Variants in HIRA observed in about 807,000 individuals in gnomAD.
HIRA encodes the protein protein HIRA.
A neutral mutation model predicts 126.6 loss-of-function variants in HIRA; 13 were observed. The observed-to-expected ratio is 0.10, with a 90% confidence interval of 0.07 to 0.16. The LOEUF is 0.16. HIRA is among the 10% of genes least tolerant of loss of function. The pLI is 1.00. For synonymous variants in HIRA, 511 were observed against 520.0 expected (o/e 0.98, Z 0.24); for missense variants, 834 against 1,314.4 (o/e 0.63, Z 5.65).
chr22:19,331,218 G>C lies in HIRA; in HGVS notation c.*222C>G. 1 of 1,469,138 alleles carries C rather than the reference G, an allele frequency of 6.8e-7. No homozygotes were observed. Among genetic ancestry groups the C allele is most frequent in the South Asian group, 1.2e-5 (1 of 82,732 alleles). The allele number at this position is 1,469,138 out of a possible 1,614,324, so 91.0% of individuals were successfully genotyped here. ...GCTCCAGCCCTAGCTCCGCATCGGG[G>C]GCTTGGAGGGAGGGATGAGCTTCCC... On this transcript the variant is annotated 3_prime_UTR_variant, in exon 25 of 25. Transcript: ENST00000263208.
At chr22:19,420,628 T>C (rs1035457828) in intron 1 of HIRA, among the ~76,000 whole-genome samples, 1 of 152,130 alleles carries the variant, frequency 6.6e-6, no homozygotes, top group Non-Finnish European at 1.5e-5. Flanking sequence ...CACAGGAGGA[T>C]TGCTTGAGCC....
intron 13 of HIRA, among the ~76,000 whole-genome samples, chr22:19,383,001 T>C (rs149162138): frequency 3.9e-5 from 6 of 152,234 alleles, no homozygotes; most frequent in South Asian, 2.1e-4. Context: ...GACTCATTTA[T>C]AATCACGAGA....
intron 10 of HIRA, among the ~76,000 whole-genome samples, 161 bp from the exon 11 acceptor site, chr22:19,387,977 G>GC (rs2089142594): frequency 6.6e-6 from 1 of 151,136 alleles, no homozygotes; most frequent in South Asian, 2.1e-4. Context: ...CTGGGCGGGG[G>GC]GGGGAGGGGG....
chr22:19,399,079 C>T (rs1305712804), intron 5 of HIRA: 1 of 966,454 alleles, frequency 1.0e-6, no homozygotes, highest in Non-Finnish European at 1.2e-6. Flanking sequence ...CAGGCACACA[C>T]CAAGGCATCG....
At chr22:19,331,610 G>A (rs1426975964) in intron 24 of HIRA, 54 bp from the exon 25 acceptor site, 1 of 1,503,322 alleles carries the variant, frequency 6.7e-7, no homozygotes, top group Non-Finnish European at 9.0e-7. Context: ...GACCTAGATT[G>A]TGGGGACTTT....
chr22:19,393,974 A>G (rs1001840123), intron 8 of HIRA, among the ~76,000 whole-genome samples: 1 of 152,092 alleles, frequency 6.6e-6, no homozygotes, highest in African/African-American at 2.4e-5. Context: ...GCAGCTCCCA[A>G]CTCAGTGATC....
intron 15 of HIRA, among the ~76,000 whole-genome samples, chr22:19,370,592 GAATC>G (rs1482653551): frequency 2.0e-5 from 3 of 152,154 alleles, no homozygotes; most frequent in Middle Eastern, 3.2e-3. Flanking sequence ...TTTTCATTGA[GAATC>G]AATACAAGAA....
intron 1 of HIRA, among the ~76,000 whole-genome samples, chr22:19,418,413 A>T (rs1211958464): frequency 3.3e-5 from 5 of 151,924 alleles, no homozygotes; most frequent in African/African-American, 1.2e-4. Context: ...TCATGAGGTC[A>T]GGAGATTGAG....
chr22:19,374,231 G>C (rs890921192), intron 15 of HIRA, among the ~76,000 whole-genome samples: 2 of 152,112 alleles, frequency 1.3e-5, no homozygotes, highest in Non-Finnish European at 2.9e-5. Flanking sequence ...CTACTTGGGA[G>C]GCTGAAGCAG....
intron 24 of HIRA, among the ~76,000 whole-genome samples, chr22:19,334,286 CAT>C (rs1185158429): frequency 6.7e-6 from 1 of 149,836 alleles, no homozygotes; most frequent in Non-Finnish European, 1.5e-5. Flanking sequence ...TCATTTTCTT[CAT>C]ATATAGTTTT....
Position 19,375,732 on chromosome 22 carries a change from C to T in HIRA, c.1674G>A (p.Lys558=). Residue 558 remains lysine, a synonymous_variant, in exon 15 of 25, where the codon AAG becomes AAA. Transcript: ENST00000263208. ...LSPSVLTTPS[K]IEPMKAFDSR... ...AGTCAAACGCTTTCATGGGTTCGAT[C>T]TTGGACGGGGTCGTTAACACAGAAG... 2 of 1,614,140 alleles carry T rather than the reference C, an allele frequency of 1.2e-6. No homozygotes were observed. The highest frequency in any genetic ancestry group is 8.5e-7 in the Non-Finnish European group (1 of 1,180,036).
In HIRA at chr22:19,377,959, G is replaced by A. The variant is rs768556093; in HGVS notation, c.1523C>T (p.Thr508Ile). The A allele has an allele frequency of 5.6e-6, 9 of 1,613,810 alleles. No individual in the cohort carries two copies. The highest frequency in any genetic ancestry group is 1.3e-5 in the African/African-American group (1 of 74,924). Residue 508 changes from threonine (T) to isoleucine (I), a missense_variant, in exon 14 of 25, where the codon ACC (threonine) becomes ATC (isoleucine). Physicochemically the swap from Thr to Ile is moderately conservative, Grantham distance 89. Coordinates refer to ENST00000263208, the MANE Select transcript of HIRA (RefSeq NM_003325.4). ...CTTCGAGGCGCCGAAGGAGTTAGGG[G>A]TACTGGAGTCCAGTGGCAGTAGCTG... ...SPQLLPLDSS[T>I]PNSFGASKPC... is the part of the protein sequence containing the mutation.
intron 4 of HIRA, among the ~76,000 whole-genome samples, chr22:19,406,718 G>T (rs895772058): frequency 2.0e-5 from 3 of 152,216 alleles, no homozygotes; most frequent in Non-Finnish European, 2.9e-5. Flanking sequence ...GGGAGCAATA[G>T]TTTTCCAGGT....
At chr22:19,365,427 G>A (rs765646736) in intron 15 of HIRA, among the ~76,000 whole-genome samples, 7 of 152,176 alleles carry the variant, frequency 4.6e-5, no homozygotes, top group Non-Finnish European at 1.0e-4. Context: ...TGCAGCTGGT[G>A]ATTTTAGGTG....
At chr22:19,385,425 T>C in intron 12 of HIRA, 96 bp downstream of exon 12, 1 of 1,253,826 alleles carries the variant, frequency 8.0e-7, no homozygotes, top group Non-Finnish European at 1.1e-6. Flanking sequence ...CGTACCACTC[T>C]AAACAAACCC....
At chr22:19,373,094 C>G (rs1205126784) in intron 15 of HIRA, among the ~76,000 whole-genome samples, 1 of 152,138 alleles carries the variant, frequency 6.6e-6, no homozygotes, top group Non-Finnish European at 1.5e-5. Flanking sequence ...AAACAGTTGC[C>G]TAATCCAAGG....
At chr22:19,389,088 C>T (rs2089153608) in intron 9 of HIRA, among the ~76,000 whole-genome samples, 1 of 152,102 alleles carries the variant, frequency 6.6e-6, no homozygotes, top group Non-Finnish European at 1.5e-5. Flanking sequence ...GCCTAGTTAC[C>T]GACTATTAAT....
At chr22:19,407,133 AG>A (rs1383837675) in intron 4 of HIRA, 50 bp downstream of exon 4, 1 of 1,452,570 alleles carries the variant, frequency 6.9e-7, no homozygotes, top group South Asian at 1.1e-5. Flanking sequence ...GATAAAGACC[AG>A]CAAAGCAGCT....
chr22:19,430,329 A>C (rs2089521772), intron 1 of HIRA: 2 of 152,358 alleles, frequency 1.3e-5, no homozygotes, highest in African/African-American at 4.8e-5. Flanking sequence ...GAAAGATGTC[A>C]CACAAGATGG....
Sources: allele counts gnomAD v4.1 joint callset (sites outside exome capture counted in the v4.1 genomes callset), GRCh38; gene constraint gnomAD v4.1.1; transcripts MANE v1.5; gene names NCBI Gene and HGNC (gene_info 2026-07-23, HGNC 2026-07-21).